CDH12: variants seen among roughly 807,000 people sequenced by gnomAD.
CDH12 encodes the protein cadherin-12.
A neutral mutation model predicts 74.1 loss-of-function variants in CDH12; 41 were observed. The observed-to-expected ratio is 0.55, with a 90% CI of 0.43 to 0.72. The LOEUF is 0.72. Among genes scored for constraint, CDH12 ranks in the 30% least tolerant of loss-of-function variants. The pLI is 0.00. For missense variants in CDH12, 945 were observed against 977.2 expected (o/e 0.97, Z 0.44); for synonymous variants, 399 against 355.0 (o/e 1.12, Z -1.39).
At chr5:22,245,681 A>G (rs1012185114) in intron 3 of CDH12, among the ~76,000 whole-genome samples, 2 of 151,958 alleles carry the variant, frequency 1.3e-5, no homozygotes, top group Admixed American at 6.6e-5. Context: ...ATATATTTAA[A>G]TCTGTAGTTC....
At chr5:22,263,244 T>A in intron 3 of CDH12, among the ~76,000 whole-genome samples, 1 of 152,130 alleles carries the variant, frequency 6.6e-6, no homozygotes. Context: ...GAGTGTTTCA[T>A]CTCAAGATTC....
At chr5:21,862,997 T>A (rs766488027) in intron 6 of CDH12, among the ~76,000 whole-genome samples, 2 of 152,108 alleles carry the variant, frequency 1.3e-5, no homozygotes, top group Non-Finnish European at 2.9e-5. Flanking sequence ...ACAAGATTGA[T>A]CCTATTACTT....
chr5:22,664,926 TCAAA>T (rs1740535247), intron 1 of CDH12, among the ~76,000 whole-genome samples: 1 of 152,196 alleles, frequency 6.6e-6, no homozygotes, highest in Non-Finnish European at 1.5e-5. Context: ...CCAATATAAT[TCAAA>T]TAATAGTTTT....
At chr5:22,756,965 A>G (rs542263712) in intron 1 of CDH12, among the ~76,000 whole-genome samples, 11 of 152,276 alleles carry the variant, frequency 7.2e-5, no homozygotes, top group African/African-American at 2.6e-4. Context: ...TCTCAAAAAA[A>G]AAAAAAAATT....
chr5:22,072,201 T>C (rs1207289884), intron 5 of CDH12, among the ~76,000 whole-genome samples: 1 of 152,048 alleles, frequency 6.6e-6, no homozygotes, highest in African/African-American at 2.4e-5. Context: ...AAACGAGGCA[T>C]TTTATGGGTC....
intron 2 of CDH12, among the ~76,000 whole-genome samples, chr5:22,414,072 C>G (rs1002791440): frequency 7.2e-5 from 11 of 151,938 alleles, no homozygotes; most frequent in African/African-American, 2.4e-4. Flanking sequence ...GAGTACATAA[C>G]TGAACATATT....
intron 1 of CDH12, among the ~76,000 whole-genome samples, chr5:22,647,583 T>C (rs1419695695): frequency 1.3e-5 from 2 of 151,744 alleles, no homozygotes; most frequent in Non-Finnish European, 3.0e-5. Context: ...AAGCACTCTG[T>C]TTTTTCCTTC....
intron 1 of CDH12, among the ~76,000 whole-genome samples, chr5:22,806,468 T>G (rs1415090081): frequency 2.7e-5 from 4 of 150,842 alleles, no homozygotes; most frequent in African/African-American, 7.3e-5. Context: ...TTCTCCTGCC[T>G]CAGCCTCCCG....
chr5:22,622,752 G>A (rs1017727778), intron 1 of CDH12, among the ~76,000 whole-genome samples: 2 of 152,172 alleles, frequency 1.3e-5, no homozygotes, highest in African/African-American at 4.8e-5. Context: ...ACAAGGAGGA[G>A]TTGGTACCAT....
chr5:22,628,012 T>C (rs1399664300), intron 1 of CDH12, among the ~76,000 whole-genome samples: 2 of 152,086 alleles, frequency 1.3e-5, no homozygotes, highest in East Asian at 1.9e-4. Flanking sequence ...AGAAGGGTAT[T>C]ACATAATGGT....
At chr5:22,729,720 T>C (rs1320599489) in intron 1 of CDH12, among the ~76,000 whole-genome samples, 4 of 151,926 alleles carry the variant, frequency 2.6e-5, no homozygotes, top group African/African-American at 9.7e-5. Context: ...TTTTAGTTTA[T>C]GATTAAAAGT....
In CDH12 at chr5:22,456,107, TTATATATA is replaced by T. The variant is rs36020133; in HGVS notation, c.-428+49155_-428+49162del. ...ATTATTCATTTCTGCCATGTGGATA[TTATATATA>T]TATATATATATATATATATAAAACG... On this transcript the variant is annotated intron_variant, in intron 2 of 14. Coordinates refer to ENST00000382254, the MANE Select transcript of CDH12 (RefSeq NM_004061.5). Among the ~76,000 whole-genome samples, 700 of 147,872 alleles carry T rather than the reference TTATATATA, an allele frequency of 4.7e-3. 6 individuals are homozygous for T. The highest frequency in any genetic ancestry group is 0.017 in the African/African-American group (667 of 39,944).
At chr5:22,113,643 C>T (rs951990602) in intron 4 of CDH12, among the ~76,000 whole-genome samples, 10 of 152,082 alleles carry the variant, frequency 6.6e-5, no homozygotes, top group Admixed American at 1.3e-4. Flanking sequence ...ACCTTGGGCA[C>T]ATAGTCTCAG....
chr5:22,238,942 T>G (rs1301722351), intron 3 of CDH12, among the ~76,000 whole-genome samples: 2 of 152,196 alleles, frequency 1.3e-5, no homozygotes, highest in Non-Finnish European at 2.9e-5. Context: ...TAACTACATA[T>G]TAAATCTAGA....
chr5:22,600,162 T>C (rs1736788893), intron 1 of CDH12, among the ~76,000 whole-genome samples: 1 of 152,156 alleles, frequency 6.6e-6, no homozygotes, highest in African/African-American at 2.4e-5. Flanking sequence ...GGTGATAGCA[T>C]ACAGGCACCT....
intron 3 of CDH12, among the ~76,000 whole-genome samples, chr5:22,254,162 G>A (rs955429020): frequency 6.6e-6 from 1 of 151,688 alleles, no homozygotes; most frequent in Non-Finnish European, 1.5e-5. Flanking sequence ...AAACTTTTAG[G>A]TATATACATG....
intron 14 of CDH12, among the ~76,000 whole-genome samples, chr5:21,753,105 C>T (rs556549385): frequency 6.6e-6 from 1 of 152,282 alleles, no homozygotes; most frequent in East Asian, 1.9e-4. Flanking sequence ...CGTCAGTGCT[C>T]AGCTTTTCTT....
At chr5:22,230,137 T>C (rs1280877658) in intron 3 of CDH12, among the ~76,000 whole-genome samples, 1 of 152,118 alleles carries the variant, frequency 6.6e-6, no homozygotes, top group Non-Finnish European at 1.5e-5. Context: ...AATTTGTTAG[T>C]AAGTGTATGC....
In CDH12 at chr5:21,751,774, C is replaced by T; in HGVS notation, c.2348G>A (p.Gly783Asp). The T allele has an allele frequency of 6.2e-7, 1 of 1,613,934 alleles. No homozygotes were observed. The highest frequency in any genetic ancestry group is 8.5e-7 in the Non-Finnish European group (1 of 1,179,950). The change falls in exon 15 of 15, where the codon GGC (glycine) becomes GAC (aspartate). Residue 783 changes from glycine to aspartate, a missense_variant. This residue lies in a region of CDH12 where 791 missense variants were observed against 792.8 expected (regional missense o/e 1.00). Transcript: ENST00000382254. ...PRFKVLADMF[G>D]EEESYNPDKV... ...ATCAGGGTTATAACTCTCTTCTTCG[C>T]CAAACATGTCTGCCAAGACTTTAAA... is the stretch of plus-strand genomic sequence containing the variant.
Sources: gnomAD v4.1 joint callset for allele counts (sites outside exome capture counted in the v4.1 genomes callset) on GRCh38, gnomAD v4.1.1 for gene constraint, gnomAD v4.1.1 regional missense constraint, MANE v1.5 for transcripts, NCBI Gene and HGNC (gene_info 2026-07-23, HGNC 2026-07-21) for gene names.